The following MGAT4C variants were observed in gnomAD, a reference collection of about 807,000 sequenced individuals.
MGAT4C encodes MGAT4 family member C.
MGAT4C carries 19 observed loss-of-function variants against 40.1 expected under a neutral mutation model. That is an observed-to-expected ratio of 0.47 (90% CI 0.33 to 0.70). The LOEUF is 0.70. MGAT4C is among the 30% of genes least tolerant of loss of function. MGAT4C has a pLI of 0.02. For synonymous variants in MGAT4C, 181 were observed against 187.1 expected, an observed-to-expected ratio of 0.97 and a Z score of 0.27; for missense variants, 491 against 563.2, an observed-to-expected ratio of 0.87 and a Z score of 1.30.
At chr12:85,991,050 T>C (rs1239455420) in intron 2 of MGAT4C, among the ~76,000 whole-genome samples, 1 of 152,110 alleles carries the variant, frequency 6.6e-6, no homozygotes, top group East Asian at 1.9e-4. Context: ...TTCAGACAAG[T>C]GGAGGGTGAG....
At chr12:86,622,431 T>G (rs968398096) in intron 2 of MGAT4C, among the ~76,000 whole-genome samples, 2 of 152,136 alleles carry the variant, frequency 1.3e-5, no homozygotes, top group African/African-American at 4.8e-5. Flanking sequence ...ATGTGAAATA[T>G]TTAGAGTGAA....
At chr12:86,236,805 T>C (rs1212837678) in intron 1 of MGAT4C, among the ~76,000 whole-genome samples, 2 of 151,940 alleles carry the variant, frequency 1.3e-5, no homozygotes, top group African/African-American at 4.8e-5. Flanking sequence ...AATAATTTAA[T>C]ATGAGCAAAA....
At chr12:86,198,637 T>C (rs957360397) in intron 1 of MGAT4C, among the ~76,000 whole-genome samples, 3 of 152,204 alleles carry the variant, frequency 2.0e-5, no homozygotes, top group African/African-American at 4.8e-5. Flanking sequence ...TGTGACACTC[T>C]TGTGGGTAAA....
chr12:86,678,059 G>A (rs1366707879), intron 2 of MGAT4C, among the ~76,000 whole-genome samples: 1 of 151,934 alleles, frequency 6.6e-6, no homozygotes, highest in African/African-American at 2.4e-5. Context: ...AGTTCTGAAC[G>A]CACCCTGATT....
chr12:86,382,764 G>C (rs1955965894), intron 3 of MGAT4C, among the ~76,000 whole-genome samples: 1 of 152,226 alleles, frequency 6.6e-6, no homozygotes, highest in Non-Finnish European at 1.5e-5. Flanking sequence ...TTGGGCCATG[G>C]CTTCAGAAGG....
chr12:86,556,030 G>C (rs1959594594), intron 2 of MGAT4C, among the ~76,000 whole-genome samples: 1 of 152,162 alleles, frequency 6.6e-6, no homozygotes, highest in Admixed American at 6.5e-5. Flanking sequence ...ATGTAGAACT[G>C]ATATTTTCTC....
intron 3 of MGAT4C, among the ~76,000 whole-genome samples, chr12:86,396,992 C>T (rs1460486605): frequency 1.2e-3 from 24 of 19,520 alleles, no homozygotes; most frequent in Non-Finnish European, 4.7e-4. Context: ...ATCACTTGTA[C>T]CCAAACTACC....
intron 2 of MGAT4C, among the ~76,000 whole-genome samples, chr12:86,492,322 C>G (rs574711104): frequency 2.6e-5 from 4 of 151,950 alleles, no homozygotes; most frequent in Admixed American, 6.6e-5. Context: ...GAACCAAAAA[C>G]GAGCCCGCAT....
chr12:86,328,984 T>C (rs1317374577), intron 4 of MGAT4C, among the ~76,000 whole-genome samples: 1 of 151,844 alleles, frequency 6.6e-6, no homozygotes, highest in Non-Finnish European at 1.5e-5. Flanking sequence ...GTGCCTGTAA[T>C]CCCAGCTACT....
chr12:86,254,197 T>A (rs1256914055), intron 1 of MGAT4C, among the ~76,000 whole-genome samples: 1 of 152,000 alleles, frequency 6.6e-6, no homozygotes, highest in Non-Finnish European at 1.5e-5. Flanking sequence ...ATGATATCAT[T>A]GATGTCCTCT....
chr12:86,303,450 C>T (rs7310186), intron 4 of MGAT4C, among the ~76,000 whole-genome samples: 100,202 of 149,652 alleles, frequency 0.67, 35,075 homozygotes, highest in South Asian at 0.78. Context: ...GAGTTCCATT[C>T]GAAAATTCTA....
intron 2 of MGAT4C, among the ~76,000 whole-genome samples, chr12:86,442,152 G>A (rs925012496): frequency 3.9e-5 from 6 of 152,136 alleles, no homozygotes; most frequent in African/African-American, 1.4e-4. Flanking sequence ...CTTTTGAGAA[G>A]TGTCTGTTCA....
At chr12:86,619,201 A>T (rs1258521906) in intron 2 of MGAT4C, among the ~76,000 whole-genome samples, 1 of 152,134 alleles carries the variant, frequency 6.6e-6, no homozygotes, top group Non-Finnish European at 1.5e-5. Flanking sequence ...TTCCGTGGAT[A>T]TAACAGAACA....
intron 4 of MGAT4C, among the ~76,000 whole-genome samples, chr12:86,286,967 T>A (rs55649116): frequency 0.085 from 12,979 of 152,186 alleles, 774 homozygotes; most frequent in Middle Eastern, 0.22. Context: ...AAGTAATATA[T>A]TTGCTTTATC....
chr12:86,139,555 T>C (rs1322943218), intron 1 of MGAT4C, among the ~76,000 whole-genome samples: 1 of 152,110 alleles, frequency 6.6e-6, no homozygotes, highest in East Asian at 1.9e-4. Context: ...AAAATATAAC[T>C]TATTTACCCA....
At chr12:86,256,400 C>T (rs1443778868), upstream of MGAT4C, 1 of 152,118 alleles carries the variant, frequency 6.6e-6, no homozygotes, top group Non-Finnish European at 1.5e-5. Flanking sequence ...CTGAACGCTA[C>T]CTCAGCTGTT....
At chr12:86,258,895 C>T (rs1018146430), upstream of MGAT4C, among the ~76,000 whole-genome samples, 8 of 151,816 alleles carry the variant, frequency 5.3e-5, no homozygotes, top group Non-Finnish European at 8.8e-5. Flanking sequence ...TTCATACTAA[C>T]GTTGGACTAG....
chr12:86,156,965 C>T (rs1346945356), intron 1 of MGAT4C, among the ~76,000 whole-genome samples: 1 of 151,996 alleles, frequency 6.6e-6, no homozygotes, highest in Admixed American at 6.6e-5. Context: ...TCCCATCCCC[C>T]TCCTGGTGTG....
At chr12:86,064,082 A>G (rs1281461568) in intron 1 of MGAT4C, among the ~76,000 whole-genome samples, 2 of 152,216 alleles carry the variant, frequency 1.3e-5, no homozygotes, top group Non-Finnish European at 1.5e-5. Context: ...TGGACCCCAA[A>G]TCAACAGAAT....
Sources: gnomAD v4.1 joint callset for allele counts (sites outside exome capture counted in the v4.1 genomes callset) on GRCh38, gnomAD v4.1.1 for gene constraint, MANE v1.5 for transcripts, NCBI Gene and HGNC (gene_info 2026-07-23, HGNC 2026-07-21) for gene names.